ERGIC1: variants seen among roughly 807,000 people sequenced by gnomAD.
ERGIC1 encodes the protein endoplasmic reticulum-golgi intermediate compartment 1.
A neutral mutation model predicts 38.3 loss-of-function variants in ERGIC1; 19 were observed. The observed-to-expected ratio is 0.50, with a 90% CI of 0.35 to 0.73. The LOEUF (loss-of-function observed/expected upper bound fraction) is 0.73. ERGIC1 is among the 30% of genes least tolerant of loss of function. The pLI, the probability that ERGIC1 is intolerant of heterozygous loss-of-function variation, is 0.01. For synonymous variants in ERGIC1, 124 were observed against 157.6 expected (o/e 0.79, Z 1.60); for missense variants, 294 against 389.2 (o/e 0.76, Z 2.06).
At chr5:172,866,383 C>T (rs532531669) in intron 1 of ERGIC1, among the ~76,000 whole-genome samples, 1 of 152,278 alleles carries the variant, frequency 6.6e-6, no homozygotes, top group Admixed American at 6.5e-5. Context: ...GCACCGTGCC[C>T]CTCTTTCTGG....
At chr5:172,904,788 C>T (rs901935398) in intron 3 of ERGIC1, among the ~76,000 whole-genome samples, 2 of 152,074 alleles carry the variant, frequency 1.3e-5, no homozygotes, top group African/African-American at 4.8e-5. Flanking sequence ...GACACGAAGG[C>T]GAAGGCGGCT....
chr5:172,873,624 A>G (rs1282575350), intron 1 of ERGIC1, among the ~76,000 whole-genome samples: 1 of 152,186 alleles, frequency 6.6e-6, no homozygotes, highest in African/African-American at 2.4e-5. Context: ...AGCTTTGGGG[A>G]GGCCAGGGAG....
chr5:172,851,302 A>G (rs1265358072), intron 1 of ERGIC1, among the ~76,000 whole-genome samples: 3 of 151,792 alleles, frequency 2.0e-5, no homozygotes, highest in African/African-American at 7.3e-5. Flanking sequence ...TGAGGTCAGG[A>G]GTTCAAGACC....
chr5:172,880,479 C>G (rs948010170), intron 1 of ERGIC1, among the ~76,000 whole-genome samples: 1 of 152,044 alleles, frequency 6.6e-6, no homozygotes, highest in Non-Finnish European at 1.5e-5. Flanking sequence ...GCGACCACCA[C>G]CACACCCAAC....
chr5:172,886,819 C>T (rs1483799906), intron 1 of ERGIC1, among the ~76,000 whole-genome samples: 1 of 152,188 alleles, frequency 6.6e-6, no homozygotes, highest in Non-Finnish European at 1.5e-5. Flanking sequence ...TGAGCCCAGG[C>T]ATCTGATTCC....
At chr5:172,906,141 CT>C in intron 3 of ERGIC1, 1 of 456,276 alleles carries the variant, frequency 2.2e-6, no homozygotes, top group South Asian at 1.5e-5. Flanking sequence ...TCTTGGTGGC[CT>C]CTGATTGGGG....
intron 1 of ERGIC1, among the ~76,000 whole-genome samples, chr5:172,868,822 A>G (rs1761936039): frequency 6.6e-6 from 1 of 152,198 alleles, no homozygotes; most frequent in Non-Finnish European, 1.5e-5. Context: ...GGAAATCGCT[A>G]TCTTCTGCTC....
chr5:172,913,287 G>A (rs2113398394), intron 4 of ERGIC1, among the ~76,000 whole-genome samples: 1 of 152,372 alleles, frequency 6.6e-6, no homozygotes, highest in African/African-American at 2.4e-5. Flanking sequence ...CAGTTGAATT[G>A]CTTCCAGTTG....
At chr5:172,840,392 G>A (rs1761131738) in intron 1 of ERGIC1, among the ~76,000 whole-genome samples, 1 of 152,190 alleles carries the variant, frequency 6.6e-6, no homozygotes, top group Non-Finnish European at 1.5e-5. Context: ...AGGCGTGGGA[G>A]AGACAGGCAG....
intron 1 of ERGIC1, among the ~76,000 whole-genome samples, chr5:172,844,328 G>C (rs1015535665): frequency 6.6e-6 from 1 of 152,190 alleles, no homozygotes; most frequent in African/African-American, 2.4e-5. Flanking sequence ...CTGACATGCA[G>C]CTCTGTTGCT....
At chr5:172,941,656 G>C (rs1764015084) in intron 9 of ERGIC1, among the ~76,000 whole-genome samples, 1 of 152,186 alleles carries the variant, frequency 6.6e-6, no homozygotes, top group Non-Finnish European at 1.5e-5. Flanking sequence ...ATTTGATACA[G>C]TGACTTTCAT....
chr5:172,838,256 G>A (rs1384084168), intron 1 of ERGIC1, among the ~76,000 whole-genome samples: 1 of 152,234 alleles, frequency 6.6e-6, no homozygotes, highest in East Asian at 1.9e-4. Context: ...GTGGGGCCCA[G>A]TGCAAAATGA....
At position 172,926,975 on chromosome 5, in the gene ERGIC1, G is replaced by GACC. The variant is rs1209019319; in HGVS notation, c.541+409_541+411dup. 5.1e-6 allele frequency: 1 copy of GACC among 196,200 alleles called. No individual in the cohort carries two copies. The highest frequency in any genetic ancestry group is 5.6e-5 in the Admixed American group (1 of 17,982). 12.2% of individuals were successfully genotyped at this position (196,200 alleles called of 1,614,324 possible). ...GTCTGTGGGTGGCCCAGTCAGCTGT[G>GACC]ACCACATGGCTGCCTCCCCCACACC... On this transcript the variant is annotated intron_variant, in intron 7 of 9. Transcript: ENST00000393784. The surrounding 1 kb of genome is among the most constrained non-coding windows in gnomAD (Gnocchi z 5.2).
chr5:172,942,298 T>A (rs1764027922), intron 9 of ERGIC1, among the ~76,000 whole-genome samples: 1 of 152,150 alleles, frequency 6.6e-6, no homozygotes, highest in African/African-American at 2.4e-5. Flanking sequence ...AAAATGACCA[T>A]CTTGGCCCTG....
chr5:172,870,957 C>T (rs566030614), intron 1 of ERGIC1, among the ~76,000 whole-genome samples: 1 of 152,338 alleles, frequency 6.6e-6, no homozygotes, highest in East Asian at 1.9e-4. Flanking sequence ...GATCACAGTG[C>T]CAGCCCCTGG....
intron 2 of ERGIC1, 62 bp downstream of exon 2, chr5:172,888,822 CTG>C (rs1341059624): frequency 2.1e-6 from 3 of 1,405,260 alleles, no homozygotes; most frequent in Admixed American, 1.7e-5. Context: ...CCTGCTCTCT[CTG>C]TGCAGATCAT....
chr5:172,893,935 G>GTATATATATATA (rs1554110408), intron 2 of ERGIC1, among the ~76,000 whole-genome samples: 1 of 42,826 alleles, frequency 2.3e-5, no homozygotes, highest in Admixed American at 2.7e-4. Flanking sequence ...GTGTGTGTGT[G>GTATATATATATA]TATATATATA....
rs573242407 is a variant in ERGIC1 at position 172,848,622 on chromosome 5, C to T, written c.20+14189C>T. ...CTTATGGAGTCTGAGTCCTCGAGAG[C>T]AGGGGCCATATCTATGTGTTCATCA... is the stretch of plus-strand genomic sequence containing the variant. On this transcript the variant is annotated intron_variant, in intron 1 of 9. Transcript: ENST00000393784. Among the ~76,000 whole-genome samples the T allele has an allele frequency of 6.6e-5, 10 of 152,236 alleles. 1 individual carries two copies. The East Asian group carries it at 1.7e-3, about 26-fold the overall frequency.
chr5:172,850,194 C>T (rs1169950297), intron 1 of ERGIC1, among the ~76,000 whole-genome samples: 1 of 152,192 alleles, frequency 6.6e-6, no homozygotes, highest in East Asian at 1.9e-4. Flanking sequence ...CTTCCGTTGG[C>T]CAAGCTGCAA....
Sources: gnomAD v4.1 joint callset for allele counts (sites outside exome capture counted in the v4.1 genomes callset) on GRCh38, gnomAD v4.1.1 for gene constraint, Gnocchi (gnomAD v3.1) non-coding constraint, MANE v1.5 for transcripts, NCBI Gene and HGNC (gene_info 2026-07-23, HGNC 2026-07-21) for gene names.